MAU2: variants seen among roughly 807,000 people sequenced by gnomAD.
The protein encoded by MAU2 is MAU2 chromatid cohesion factor homolog.
In MAU2, 9 loss-of-function variants were observed where a neutral mutation model predicts 89.1. The observed-to-expected ratio is 0.10, with a 90% CI of 0.06 to 0.18. MAU2 has a LOEUF of 0.18. MAU2 is among the 10% of genes least tolerant of loss of function. MAU2 has a pLI of 1.00. For missense variants in MAU2, 425 were observed against 803.5 expected (o/e 0.53, Z 5.69); for synonymous variants, 357 against 343.4 (o/e 1.04, Z -0.44).
rs560479249 is a variant in MAU2 at position 19,344,232 on chromosome 19, C to T, written c.1077+292C>T. On this transcript the variant is annotated intron_variant, in intron 10 of 18. Transcript: ENST00000262815. ...TTTGAGACCAGCCTGGCCAACATGG[C>T]GAAACCCCGCCTCTACTAAAAATAT... is the stretch of plus-strand genomic sequence containing the variant. 2.1e-4 allele frequency: 75 copies of T among 358,946 alleles called. 1 individual carries two copies. The highest frequency in any genetic ancestry group is 8.9e-4 in the Middle Eastern group (1 of 1,118). 22.2% of individuals were successfully genotyped at this position (358,946 alleles called of 1,614,324 possible).
chr19:19,323,643 A>G lies in MAU2; in HGVS notation c.276+2508A>G, dbSNP rs534923460. ...CATCTCAGCCTCCTGAGTAGTTGGG[A>G]CCACAGGTACGCACCACCACACCCA... On this transcript the variant is annotated intron_variant, in intron 1 of 18. Coordinates refer to ENST00000262815, the MANE Select transcript of MAU2 (RefSeq NM_015329.4). Among the ~76,000 whole-genome samples, 79 of 152,060 alleles carry G rather than the reference A, an allele frequency of 5.2e-4. 1 individual carries two copies. The highest frequency in any genetic ancestry group is 1.9e-3 in the African/African-American group (77 of 41,458).
chr19:19,342,894 G>A (rs1194712069), intron 9 of MAU2, 28 bp downstream of exon 9: 2 of 1,611,224 alleles, frequency 1.2e-6, no homozygotes, highest in African/African-American at 1.3e-5. Flanking sequence ...CTGGCCACAT[G>A]GCCACAGCGA....
intron 11 of MAU2, 64 bp downstream of exon 11, chr19:19,344,990 C>A: frequency 6.9e-7 from 1 of 1,450,614 alleles, no homozygotes; most frequent in Non-Finnish European, 9.6e-7. Flanking sequence ...AAGTACCTAA[C>A]CAGATCCAGA....
Position 19,320,986 on chromosome 19 carries a change from A to C in MAU2, c.127A>C (p.Lys43Gln). The C allele has an allele frequency of 1.9e-6, 3 of 1,608,308 alleles. No homozygotes were observed. The highest frequency in any genetic ancestry group is 2.5e-6 in the Non-Finnish European group (3 of 1,177,416). The change falls in exon 1 of 19, where the codon AAA (lysine) becomes CAA (glutamine). Residue 43 changes from lysine (K) to glutamine (Q), a missense_variant. Physicochemically the swap from Lys to Gln is moderately conservative, Grantham distance 53 (BLOSUM62 1). Coordinates refer to ENST00000262815, the MANE Select transcript of MAU2 (RefSeq NM_015329.4). ...GCACTTCCGCACTTCCAGCCCGCCC[A>C]AAATCCGCCTGTGCGTGCACTGCCT... ...AEHFRTSSPP[K>Q]IRLCVHCLQA... is the part of the protein sequence containing the mutation.
At chr19:19,331,928 G>A (rs918277640) in intron 1 of MAU2, among the ~76,000 whole-genome samples, 3 of 152,226 alleles carry the variant, frequency 2.0e-5, no homozygotes, top group African/African-American at 7.2e-5. Flanking sequence ...AGAAGCAGTG[G>A]CATTTAAAGA....
At chr19:19,321,401 CTGTTAT>C (rs1210671089) in intron 1 of MAU2, 8 of 439,540 alleles carry the variant, frequency 1.8e-5, no homozygotes, top group Non-Finnish European at 2.8e-5. Context: ...TGAAAGTTGC[CTGTTAT>C]TGGGAGCAAC....
chr19:19,324,410 G>A (rs1245570652), intron 1 of MAU2, among the ~76,000 whole-genome samples: 1 of 152,156 alleles, frequency 6.6e-6, no homozygotes, highest in Admixed American at 6.6e-5. Flanking sequence ...TTTATTGACT[G>A]GGAGGGGTCT....
intron 6 of MAU2, 104 bp downstream of exon 6, chr19:19,340,977 C>A: frequency 6.8e-7 from 1 of 1,469,426 alleles, no homozygotes; most frequent in Non-Finnish European, 9.3e-7. Context: ...TGGCATGGCC[C>A]CTTAGGCGCC....
chr19:19,335,976 C>G (rs2061593356), intron 2 of MAU2, 146 bp from the exon 3 acceptor site: 1 of 719,538 alleles, frequency 1.4e-6, no homozygotes. Context: ...TCAAGGTTCA[C>G]TGGGGGAACA....
At position 19,344,064 on chromosome 19, in the gene MAU2, C is replaced by G. The variant is rs371800931; in HGVS notation, c.1077+124C>G. 1.4e-5 allele frequency: 11 copies of G among 759,824 alleles called. No individual in the cohort carries two copies. The South Asian group carries it at 1.6e-4, about 11-fold the overall frequency. 47.1% of individuals were successfully genotyped at this position (759,824 alleles called of 1,614,324 possible). On this transcript the variant is annotated intron_variant, in intron 10 of 18. Transcript: ENST00000262815. ...CCAGCCCATCCTGCTGTCTCGCTGT[C>G]GGCCAGCGTTTTACAGCCCTGCATG...
chr19:19,354,194 G>C (rs923224171), intron 16 of MAU2, 161 bp from the exon 17 acceptor site: 2 of 639,128 alleles, frequency 3.1e-6, no homozygotes, highest in Non-Finnish European at 2.9e-6. Context: ...CATTTGAGAT[G>C]GGCTCTGAGG....
chr19:19,349,964 C>T (rs1484849361), intron 16 of MAU2, among the ~76,000 whole-genome samples: 2 of 148,532 alleles, frequency 1.3e-5, no homozygotes, highest in African/African-American at 2.5e-5. Flanking sequence ...ACTGATCTCA[C>T]GAGGTCTTGA....
chr19:19,335,252 A>G (rs2061586902), intron 1 of MAU2, among the ~76,000 whole-genome samples: 1 of 152,108 alleles, frequency 6.6e-6, no homozygotes, highest in African/African-American at 2.4e-5. Context: ...GCTCAGAAGG[A>G]CTAACCTTGC....
chr19:19,328,507 C>T (rs560540551), intron 1 of MAU2, among the ~76,000 whole-genome samples: 48 of 151,796 alleles, frequency 3.2e-4, no homozygotes, highest in Admixed American at 9.2e-4. Context: ...CTGCAAGCTC[C>T]GTCTCCCGGG....
intron 1 of MAU2, among the ~76,000 whole-genome samples, chr19:19,331,656 CT>C (rs774093784): frequency 3.3e-5 from 5 of 151,920 alleles, no homozygotes; most frequent in Admixed American, 6.6e-5. Context: ...AATCCCAGTA[CT>C]TTGGAAGGCT....
intron 1 of MAU2, among the ~76,000 whole-genome samples, chr19:19,335,318 C>T (rs918257197): frequency 6.6e-6 from 1 of 152,334 alleles, no homozygotes; most frequent in Non-Finnish European, 1.5e-5. Context: ...CTTTGCTGAA[C>T]GTCCTTCCTC....
At chr19:19,349,462 G>T in intron 16 of MAU2, 26 bp downstream of exon 16, 2 of 1,598,430 alleles carry the variant, frequency 1.3e-6, no homozygotes, top group Non-Finnish European at 1.7e-6. Context: ...TGGGCCCCTC[G>T]CTTGGGTGCC....
chr19:19,348,012 CCCCTCAGCCCTAGGATGT>C (rs2061709854), intron 13 of MAU2: 1 of 153,326 alleles, frequency 6.5e-6, no homozygotes, highest in African/African-American at 2.4e-5. Context: ...CCCTGGGATC[CCCCTCAGCCCTAGGATGT>C]CCCTCAGTTC....
chr19:19,338,982 G>T (rs767397209), intron 5 of MAU2, 43 bp downstream of exon 5: 1 of 1,507,060 alleles, frequency 6.6e-7, no homozygotes, highest in East Asian at 2.3e-5. Context: ...CTGTTAACAG[G>T]AGGGGCTTGG....
Sources: allele counts gnomAD v4.1 joint callset (sites outside exome capture counted in the v4.1 genomes callset), GRCh38; gene constraint gnomAD v4.1.1; transcripts MANE v1.5; gene names NCBI Gene and HGNC (gene_info 2026-07-23, HGNC 2026-07-21).